Variants in HERC3 observed in about 807,000 individuals in gnomAD.
The protein encoded by HERC3 is HECT and RLD domain containing E3 ubiquitin protein ligase 3, also known as probable E3 ubiquitin-protein ligase HERC3.
In HERC3, 58 loss-of-function variants were observed where a neutral mutation model predicts 129.9. The observed-to-expected ratio is 0.45, with a 90% CI of 0.36 to 0.56. The LOEUF (loss-of-function observed/expected upper bound fraction) is 0.56. HERC3 is among the 20% of genes least tolerant of loss of function. The probability of loss-of-function intolerance (pLI) is 0.00; values close to 1 mark genes in which losing one functional copy is unlikely to be tolerated. For synonymous variants in HERC3, 430 were observed against 451.0 expected (o/e 0.95, Z 0.59); for missense variants, 835 against 1,244.2 (o/e 0.67, Z 4.95).
chr4:88,594,746 C>CGA (rs1722157255), intron 1 of HERC3, among the ~76,000 whole-genome samples: 1 of 152,090 alleles, frequency 6.6e-6, no homozygotes. Context: ...AGGTATCTCT[C>CGA]TGAGATGATC....
At chr4:88,680,001 C>A in intron 19 of HERC3, 92 bp from the exon 20 acceptor site, 1 of 1,117,062 alleles carries the variant, frequency 9.0e-7, no homozygotes, top group Non-Finnish European at 1.3e-6. Context: ...GCTTTCCTTC[C>A]TTTGTCCTGA....
chr4:88,703,411 G>A (rs1398133817), intron 23 of HERC3, among the ~76,000 whole-genome samples: 5 of 152,138 alleles, frequency 3.3e-5, no homozygotes, highest in Non-Finnish European at 7.4e-5. Context: ...GTTGCGATAT[G>A]GTTCCCATCA....
At chr4:88,573,330 C>G in the HERC3 span, among the ~76,000 whole-genome samples, 3 of 152,194 alleles carry the variant, frequency 2.0e-5, no homozygotes, top group African/African-American at 7.2e-5. Context: ...AGCCACTATT[C>G]CAGTCATTAT....
Position 88,680,251 on chromosome 4 carries a change from T to A in HERC3, c.2340+15T>A, listed in dbSNP as rs1415409431. 1 of 1,585,698 alleles carries A rather than the reference T, an allele frequency of 6.3e-7. No individual in the cohort carries two copies. The highest frequency in any genetic ancestry group is 8.6e-7 in the Non-Finnish European group (1 of 1,167,466). ...TTTCAGACACGGTAAGTAAGTGGTGTCACAATTAAACAGATGGATTAAATT... is the reference window on the plus strand; with the variant it reads ...TTTCAGACACGGTAAGTAAGTGGTGACACAATTAAACAGATGGATTAAATT... On this transcript the variant is annotated intron_variant, in intron 20 of 25. Transcript: ENST00000402738.
chr4:88,660,212 T>TC (rs1730341114), intron 10 of HERC3, among the ~76,000 whole-genome samples: 2 of 152,090 alleles, frequency 1.3e-5, no homozygotes, highest in African/African-American at 2.4e-5. Flanking sequence ...CTCTATTTTT[T>TC]TTTTTTTGAG....
At chr4:88,601,767 T>A (rs1224879983) in intron 2 of HERC3, among the ~76,000 whole-genome samples, 1 of 131,602 alleles carries the variant, frequency 7.6e-6, no homozygotes, top group East Asian at 2.2e-4. Context: ...TAGAAAAGGA[T>A]ATTCAGGGGC....
intron 3 of HERC3, among the ~76,000 whole-genome samples, chr4:88,612,326 T>TGTGTGTGG (rs1329074815): frequency 2.7e-5 from 4 of 149,304 alleles, no homozygotes; most frequent in African/African-American, 7.5e-5. Context: ...TGTGTGTGTG[T>TGTGTGTGG]GGTAAGAAGG....
chr4:88,546,633 C>T, the HERC3 span, among the ~76,000 whole-genome samples: 2 of 152,198 alleles, frequency 1.3e-5, no homozygotes, highest in Admixed American at 1.3e-4. Context: ...CTTCAGACCC[C>T]CCAGGGAAGC....
intron 2 of HERC3, among the ~76,000 whole-genome samples, chr4:88,599,735 C>A (rs536639479): frequency 2.0e-4 from 31 of 152,308 alleles, no homozygotes; most frequent in Middle Eastern, 3.4e-3. Flanking sequence ...GCCCTAGAAA[C>A]CAAGTTATTT....
At chr4:88,697,882 G>A (rs1191978689) in intron 23 of HERC3, 8 of 1,315,670 alleles carry the variant, frequency 6.1e-6, no homozygotes, top group Non-Finnish European at 8.2e-6. Flanking sequence ...CGTTGGCCGC[G>A]GCCCCGCCTC....
At chr4:88,660,495 C>T (rs998200400) in intron 10 of HERC3, among the ~76,000 whole-genome samples, 10 of 152,180 alleles carry the variant, frequency 6.6e-5, no homozygotes, top group Admixed American at 2.0e-4. Context: ...TGATCCACCA[C>T]GCCCGGCCAT....
intron 25 of HERC3, among the ~76,000 whole-genome samples, chr4:88,706,113 C>T (rs1735755624): frequency 6.6e-6 from 1 of 152,174 alleles, no homozygotes; most frequent in African/African-American, 2.4e-5. Context: ...TGGCAAGAAA[C>T]TTTATGTATC....
At chr4:88,552,149 C>CG in the HERC3 span, among the ~76,000 whole-genome samples, 1 of 62,518 alleles carries the variant, frequency 1.6e-5, no homozygotes, top group Admixed American at 2.3e-4. Context: ...TGGGGGGAGG[C>CG]GGGAGGGATA....
At chr4:88,639,838 A>G (rs1446984424) in intron 3 of HERC3, among the ~76,000 whole-genome samples, 1 of 152,196 alleles carries the variant, frequency 6.6e-6, no homozygotes, top group Non-Finnish European at 1.5e-5. Flanking sequence ...TACCCATCTG[A>G]CAAAGGTCTA....
At chr4:88,687,889 G>A (rs574543269) in intron 23 of HERC3, among the ~76,000 whole-genome samples, 4 of 150,650 alleles carry the variant, frequency 2.7e-5, no homozygotes, top group South Asian at 4.2e-4. Flanking sequence ...TAACTCTTTA[G>A]AGGAGAGAAG....
the HERC3 span, among the ~76,000 whole-genome samples, chr4:88,538,462 C>T: frequency 6.6e-6 from 1 of 151,958 alleles, no homozygotes; most frequent in Non-Finnish European, 1.5e-5. Context: ...TCTTCTAAGC[C>T]TCTCTCCTTG....
the HERC3 span, among the ~76,000 whole-genome samples, chr4:88,545,291 A>G: frequency 2.2e-4 from 33 of 152,282 alleles, no homozygotes; most frequent in Non-Finnish European, 4.1e-4. Flanking sequence ...ATTTTTTTCT[A>G]AATAAAATAA....
At chr4:88,554,290 AC>A in the HERC3 span, among the ~76,000 whole-genome samples, 1 of 145,304 alleles carries the variant, frequency 6.9e-6, no homozygotes, top group East Asian at 2.0e-4. Context: ...GTTTGCAATG[AC>A]CCGAGATTGC....
chr4:88,697,366 C>A, intron 23 of HERC3: 2 of 1,614,082 alleles, frequency 1.2e-6, no homozygotes, highest in Non-Finnish European at 1.7e-6. Context: ...GGTCCATGCA[C>A]ACCCCTCCAT....
Sources: allele counts gnomAD v4.1 joint callset (sites outside exome capture counted in the v4.1 genomes callset), GRCh38; gene constraint gnomAD v4.1.1; transcripts MANE v1.5; gene names NCBI Gene and HGNC (gene_info 2026-07-23, HGNC 2026-07-21).